BDKRB2: variants seen among roughly 807,000 people sequenced by gnomAD.
BDKRB2 encodes the protein B2 bradykinin receptor.
In BDKRB2, 6 loss-of-function variants were observed where a neutral mutation model predicts 4.0. The observed-to-expected ratio is 1.49, with a 90% CI of 0.81 to 2.93. The LOEUF is 2.93. BDKRB2 is among the 30% of genes most tolerant of loss of function. The pLI is 0.00. For missense variants in BDKRB2, 478 were observed against 520.1 expected, an observed-to-expected ratio of 0.92 and a Z score of 0.79; for synonymous variants, 225 against 215.3, an observed-to-expected ratio of 1.05 and a Z score of -0.40.
At chr14:96,227,768 G>A (rs577960791) in intron 1 of BDKRB2, among the ~76,000 whole-genome samples, 57 of 152,242 alleles carry the variant, frequency 3.7e-4, no homozygotes, top group Admixed American at 1.0e-3. Context: ...GGCCACACTC[G>A]GCTCAAGCCC....
intron 1 of BDKRB2, among the ~76,000 whole-genome samples, chr14:96,211,951 C>A (rs59538800): frequency 1.3e-5 from 2 of 152,146 alleles, no homozygotes; most frequent in Non-Finnish European, 2.9e-5. Flanking sequence ...ACACAGCCGG[C>A]GGTGCATTTA....
At chr14:96,240,239 G>T (rs890148966) in intron 2 of BDKRB2, 164 bp from the exon 3 acceptor site, 5 of 1,320,644 alleles carry the variant, frequency 3.8e-6, no homozygotes, top group East Asian at 5.5e-5. Context: ...AGACCCAGGG[G>T]AGTCAGGTGC....
At chr14:96,237,647 G>T (rs1890967523) in intron 2 of BDKRB2, 1 of 1,277,590 alleles carries the variant, frequency 7.8e-7, no homozygotes, top group African/African-American at 1.5e-5. Context: ...AGGGAGATCT[G>T]TTCTTGGGGA....
Position 96,241,287 on chromosome 14 carries a change from T to A in BDKRB2, c.959T>A (p.Met320Lys), listed in dbSNP as rs748555729. The stretch of plus-strand genomic sequence containing the variant: ...GTAATCACACAGATCGCCTCCTTCA[T>A]GGCCTACAGCAACAGCTGCCTCAAC... ...IDVITQIASF[M>K]AYSNSCLNPL... The change falls in exon 3 of 3, where the codon ATG becomes AAG. Residue 320 changes from methionine (M) to lysine (K), a missense_variant. Physicochemically the swap from Met to Lys is moderately conservative, Grantham distance 95. Coordinates refer to ENST00000554311, the MANE Select transcript of BDKRB2 (RefSeq NM_001379692.1). The A allele has an allele frequency of 6.2e-7, 1 of 1,614,082 alleles. No homozygotes were observed. Among genetic ancestry groups the A allele is most frequent in the East Asian group, 2.2e-5 (1 of 44,880 alleles).
chr14:96,240,733 C>T lies in BDKRB2; in HGVS notation c.405C>T (p.Ala135=). ...FGETLCRVVN[A]IISMNLYSSI... is the part of the protein sequence containing the mutation. ...AGACGCTCTGCCGCGTGGTGAATGC[C>T]ATTATCTCCATGAACCTGTACAGCA... Residue 135 remains alanine (A), a synonymous_variant, in exon 3 of 3, where the codon GCC becomes GCT. Coordinates refer to ENST00000554311, the MANE Select transcript of BDKRB2 (RefSeq NM_001379692.1). 1 of 1,597,840 alleles carries T rather than the reference C, an allele frequency of 6.3e-7. No individual in the cohort carries two copies. The highest frequency in any genetic ancestry group is 1.1e-5 in the South Asian group (1 of 87,520).
chr14:96,227,438 A>G (rs772232169), intron 1 of BDKRB2, among the ~76,000 whole-genome samples: 7 of 152,172 alleles, frequency 4.6e-5, no homozygotes, highest in Non-Finnish European at 8.8e-5. Context: ...AGTGGGCCTC[A>G]GTCATGAAAC....
rs144942395 is a variant in BDKRB2 at position 96,208,841 on chromosome 14, C to T, written c.-40+3882C>T. ...CCCATTCACTGCCAACCCCTCTGAG[C>T]CTCTCTGATCTGTGCCACCGGTGAA... On this transcript the variant is annotated intron_variant, in intron 1 of 2. Transcript: ENST00000554311. Among the ~76,000 whole-genome samples, 391 of 152,304 alleles carry T rather than the reference C, an allele frequency of 2.6e-3. 2 individuals carry two copies. Among genetic ancestry groups the T allele is most frequent in the Middle Eastern group, 0.024 (7 of 294 alleles).
In BDKRB2 at chr14:96,243,999, G is replaced by A. The variant is rs1179720470; in HGVS notation, c.*2495G>A. On this transcript the variant is annotated 3_prime_UTR_variant, in exon 3 of 3. Coordinates refer to ENST00000554311, the MANE Select transcript of BDKRB2 (RefSeq NM_001379692.1). Reference sequence around the variant, plus strand: ...AGGGGCAACTGAGTCTGCGGGAGAAGAGCGGCCCTATGCATGGTGTAGATG... The same window carrying A: ...AGGGGCAACTGAGTCTGCGGGAGAAAAGCGGCCCTATGCATGGTGTAGATG... 2.5e-6 allele frequency: 1 copy of A among 392,372 alleles called. No homozygotes were observed. The highest frequency in any genetic ancestry group is 2.1e-5 in the African/African-American group (1 of 48,654). The allele number at this position is 392,372 out of a possible 1,614,324, so 24.3% of individuals were successfully genotyped here.
In BDKRB2 at chr14:96,227,684, A is replaced by C. The variant is rs541496045; in HGVS notation, c.-39-9385A>C. Among the ~76,000 whole-genome samples the C allele has an allele frequency of 4.6e-5, 7 of 151,544 alleles. No homozygotes were observed. In the South Asian group the frequency reaches 8.3e-4, roughly 18 times the overall value. ...GTGCACAAACACACGTGTGCACACA[A>C]ACACACACATGCACACACACACACA... On this transcript the variant is annotated intron_variant, in intron 1 of 2. Transcript: ENST00000554311.
rs881181 is a variant in BDKRB2 at position 96,237,969 on chromosome 14, T to G, written c.74+788T>G. On this transcript the variant is annotated intron_variant, in intron 2 of 2. Coordinates refer to ENST00000554311, the MANE Select transcript of BDKRB2 (RefSeq NM_001379692.1). ...TGACAGACTCTCCAAGCCAGGGGTATGCAGGAAATGGGTTTTCTGTAGCTA... is the reference window on the plus strand; with the variant it reads ...TGACAGACTCTCCAAGCCAGGGGTAGGCAGGAAATGGGTTTTCTGTAGCTA... 2.5e-6 allele frequency: 3 copies of G among 1,188,886 alleles called. No homozygotes were observed. In the South Asian group the frequency reaches 4.8e-5, roughly 19 times the overall value. 73.6% of individuals were successfully genotyped at this position (1,188,886 alleles called of 1,614,324 possible). A position where few individuals can be genotyped will look rare whatever the true frequency, so the allele number is the denominator to read the frequency against.
At chr14:96,224,147 G>A (rs569240739) in intron 1 of BDKRB2, among the ~76,000 whole-genome samples, 1 of 151,218 alleles carries the variant, frequency 6.6e-6, no homozygotes, top group Non-Finnish European at 1.5e-5. Context: ...TTACAGGAGG[G>A]GTAAGGTAGG....
chr14:96,209,288 G>A (rs1890252702), intron 1 of BDKRB2, among the ~76,000 whole-genome samples: 1 of 152,186 alleles, frequency 6.6e-6, no homozygotes, highest in South Asian at 2.1e-4. Flanking sequence ...GTGCACCTGG[G>A]AAAAACATGA....
chr14:96,210,116 C>T (rs1290558229), intron 1 of BDKRB2, among the ~76,000 whole-genome samples: 4 of 152,106 alleles, frequency 2.6e-5, no homozygotes, highest in East Asian at 1.9e-4. Context: ...TTGTTCCATA[C>T]CTGTGAAGCT....
chr14:96,238,955 T>C (rs1885188372), intron 2 of BDKRB2: 2 of 985,314 alleles, frequency 2.0e-6, no homozygotes, highest in Non-Finnish European at 2.4e-6. Context: ...TCAAAAAACA[T>C]TTAAAGGATA....
chr14:96,208,231 G>A (rs752067589), intron 1 of BDKRB2, among the ~76,000 whole-genome samples: 2 of 152,172 alleles, frequency 1.3e-5, no homozygotes, highest in Non-Finnish European at 2.9e-5. Context: ...CTAAGGCTCT[G>A]CTTCCCCAAA....
chr14:96,209,320 C>A (rs190893971), intron 1 of BDKRB2, among the ~76,000 whole-genome samples: 9 of 152,282 alleles, frequency 5.9e-5, no homozygotes, highest in Admixed American at 5.2e-4. Context: ...TGTGTGTGGC[C>A]TATGCTCTCC....
chr14:96,213,062 G>T (rs1199479690), intron 1 of BDKRB2, among the ~76,000 whole-genome samples: 1 of 152,062 alleles, frequency 6.6e-6, no homozygotes, highest in African/African-American at 2.4e-5. Context: ...TCCTGGGTTA[G>T]GTTACTAGGC....
At chr14:96,217,567 G>A (rs1004746833) in intron 1 of BDKRB2, among the ~76,000 whole-genome samples, 11 of 152,246 alleles carry the variant, frequency 7.2e-5, no homozygotes, top group East Asian at 5.8e-4. Context: ...TGGGCTAGGC[G>A]TCTGGTGGCA....
At chr14:96,206,278 C>T (rs759981806) in intron 1 of BDKRB2, among the ~76,000 whole-genome samples, 1 of 152,182 alleles carries the variant, frequency 6.6e-6, no homozygotes, top group Admixed American at 6.5e-5. Flanking sequence ...AGCATGCGTG[C>T]TGTCCCCACA....
Sources: allele counts gnomAD v4.1 joint callset (sites outside exome capture counted in the v4.1 genomes callset), GRCh38; gene constraint gnomAD v4.1.1; transcripts MANE v1.5; gene names NCBI Gene and HGNC (gene_info 2026-07-23, HGNC 2026-07-21).